Variants in DYRK4 observed in about 807,000 individuals in gnomAD.
DYRK4 encodes dual specificity tyrosine phosphorylation regulated kinase 4, also known as dual specificity tyrosine-phosphorylation-regulated kinase 4.
A neutral mutation model predicts 68.3 loss-of-function variants in DYRK4; 64 were observed. The observed-to-expected ratio is 0.94, with a 90% confidence interval of 0.77 to 1.15. DYRK4 has a LOEUF of 1.15. Ranked by LOEUF, DYRK4 falls within the 50% of genes most tolerant of loss-of-function variation. DYRK4 has a pLI of 0.00. For synonymous variants in DYRK4, 274 were observed against 289.9 expected, an observed-to-expected ratio of 0.95 and a Z score of 0.56; for missense variants, 740 against 764.7, an observed-to-expected ratio of 0.97 and a Z score of 0.38.
At chr12:4,602,306 T>G in intron 10 of DYRK4, 2 of 943,226 alleles carry the variant, frequency 2.1e-6, no homozygotes, top group Non-Finnish European at 1.7e-6. Flanking sequence ...TCCCTCTTTT[T>G]TTCTTCCTCT....
chr12:4,602,703 C>T, intron 10 of DYRK4: 19 of 1,471,852 alleles, frequency 1.3e-5, no homozygotes, highest in Non-Finnish European at 1.7e-5. Flanking sequence ...TAATGGGAGG[C>T]AAATACCCCT....
intron 14 of DYRK4, 92 bp downstream of exon 14, chr12:4,612,810 C>T (rs745404999): frequency 2.2e-6 from 3 of 1,387,568 alleles, no homozygotes; most frequent in African/African-American, 2.9e-5. Context: ...TTTTGAAGCC[C>T]CAGTTCTGTA....
At chr12:4,579,441 G>A (rs367622930) in intron 2 of DYRK4, among the ~76,000 whole-genome samples, 8 of 152,084 alleles carry the variant, frequency 5.3e-5, no homozygotes, top group South Asian at 4.1e-4. Flanking sequence ...AATGCCCAGC[G>A]TACCATTTCA....
chr12:4,574,243 A>AG (rs1194047771), intron 2 of DYRK4, among the ~76,000 whole-genome samples: 6 of 146,148 alleles, frequency 4.1e-5, no homozygotes, highest in Non-Finnish European at 4.5e-5. Flanking sequence ...AAAAAAAAAA[A>AG]AAAAGGAAAG....
At chr12:4,575,868 T>G (rs11063245) in intron 2 of DYRK4, among the ~76,000 whole-genome samples, 15,874 of 152,254 alleles carry the variant, frequency 0.1, 1,593 homozygotes, top group African/African-American at 0.26. Context: ...TGTTTTTTAT[T>G]TATTTAATTT....
Position 4,577,443 on chromosome 12 carries a change from T to C in DYRK4, c.132+9395T>C, listed in dbSNP as rs1020089691. On this transcript the variant is annotated intron_variant, in intron 2 of 14. Coordinates refer to ENST00000543431, the MANE Select transcript of DYRK4 (RefSeq NM_001394779.1). ...TCCTTTGTCAATGATCAGTTGACTA[T>C]GTTTGTGTGGGTCTATTTATGGGGC... is the stretch of plus-strand genomic sequence containing the variant. 1.5e-3 allele frequency among the ~76,000 whole-genome samples: 235 copies of C among 152,320 alleles called. 2 individuals carry two copies. The highest frequency in any genetic ancestry group is 4.1e-4 in the Non-Finnish European group (28 of 68,024).
At chr12:4,611,237 A>G (rs1394195363) in intron 13 of DYRK4, among the ~76,000 whole-genome samples, 3 of 152,218 alleles carry the variant, frequency 2.0e-5, no homozygotes, top group African/African-American at 7.2e-5. Flanking sequence ...AAGTATTCCC[A>G]TCGTAGGGGG....
At chr12:4,572,273 G>A (rs767503857) in intron 2 of DYRK4, among the ~76,000 whole-genome samples, 1 of 152,144 alleles carries the variant, frequency 6.6e-6, no homozygotes, top group East Asian at 1.9e-4. Context: ...GAATCTTTAG[G>A]GGTCATGGAC....
chr12:4,591,132 T>C lies in DYRK4; in HGVS notation c.325-28T>C. On this transcript the variant is annotated intron_variant, in intron 4 of 14. Coordinates refer to ENST00000543431, the MANE Select transcript of DYRK4 (RefSeq NM_001394779.1). This position sits in a 1 kb window ranked among gnomAD's most constrained non-coding sequence, Gnocchi z 4.1. ...CCCCCAGGAGAGTCCTAAGTAGTTA[T>C]TTATTGCAAACCTCTTTTCCTGGAC... The C allele has an allele frequency of 6.2e-7, 1 of 1,612,112 alleles. No homozygotes were observed. The highest frequency in any genetic ancestry group is 8.5e-7 in the Non-Finnish European group (1 of 1,179,148).
intron 2 of DYRK4, among the ~76,000 whole-genome samples, chr12:4,583,471 A>T: frequency 6.6e-6 from 1 of 151,940 alleles, no homozygotes; most frequent in East Asian, 1.9e-4. Flanking sequence ...TCTTGTATTA[A>T]TATTTGTAAG....
chr12:4,576,650 T>A (rs1434166785), intron 2 of DYRK4, among the ~76,000 whole-genome samples: 1 of 152,224 alleles, frequency 6.6e-6, no homozygotes, highest in Non-Finnish European at 1.5e-5. Context: ...TAAGAATTCT[T>A]GTTATGCCAC....
chr12:4,601,752 A>G (rs1945082704), intron 10 of DYRK4, among the ~76,000 whole-genome samples: 1 of 152,054 alleles, frequency 6.6e-6, no homozygotes, highest in Non-Finnish European at 1.5e-5. Context: ...GATTTTCAAA[A>G]TTTTCTCTTG....
chr12:4,595,400 A>G (rs1290457876), intron 6 of DYRK4, among the ~76,000 whole-genome samples: 1 of 152,252 alleles, frequency 6.6e-6, no homozygotes, highest in African/African-American at 2.4e-5. Context: ...CAGTTCACAG[A>G]CAATAGCACT....
intron 12 of DYRK4, among the ~76,000 whole-genome samples, chr12:4,609,446 G>A (rs1375332952): frequency 6.6e-6 from 1 of 152,194 alleles, no homozygotes; most frequent in Admixed American, 6.5e-5. Context: ...TTCAGTTCTT[G>A]ACTGTTCCTT....
intron 4 of DYRK4, chr12:4,590,726 C>T: frequency 4.3e-6 from 2 of 461,642 alleles, no homozygotes; most frequent in Admixed American, 4.2e-5. Flanking sequence ...ATATTAGTTT[C>T]CTCCCATGTC....
chr12:4,580,699 C>T (rs923657398), intron 2 of DYRK4: 12 of 396,018 alleles, frequency 3.0e-5, no homozygotes, highest in Non-Finnish European at 5.9e-5. Flanking sequence ...TAGTTCTGGC[C>T]TCTGGGAAGG....
intron 13 of DYRK4, among the ~76,000 whole-genome samples, chr12:4,610,880 A>G (rs1186361644): frequency 6.6e-6 from 1 of 152,250 alleles, no homozygotes; most frequent in African/African-American, 2.4e-5. Context: ...TACCCAGCAC[A>G]GCACCCAGTT....
chr12:4,594,321 T>C (rs1217025120), intron 6 of DYRK4, among the ~76,000 whole-genome samples: 1 of 152,192 alleles, frequency 6.6e-6, no homozygotes, highest in African/African-American at 2.4e-5. Context: ...CCTCCTGGGT[T>C]CAGGTGATTC....
chr12:4,612,037 A>G (rs1290425515), intron 13 of DYRK4, among the ~76,000 whole-genome samples: 1 of 152,216 alleles, frequency 6.6e-6, no homozygotes, highest in East Asian at 1.9e-4. Context: ...GAAATTACTC[A>G]AGAATTGCAG....
Sources: gnomAD v4.1 joint callset for allele counts (sites outside exome capture counted in the v4.1 genomes callset) on GRCh38, gnomAD v4.1.1 for gene constraint, Gnocchi (gnomAD v3.1) non-coding constraint, MANE v1.5 for transcripts, NCBI Gene and HGNC (gene_info 2026-07-23, HGNC 2026-07-21) for gene names.